KCNQ1: variants seen among roughly 807,000 people sequenced by gnomAD.
KCNQ1 encodes potassium voltage-gated channel subfamily KQT member 1.
In KCNQ1, 49 loss-of-function variants were observed where a neutral mutation model predicts 72.4. The observed-to-expected ratio is 0.68, with a 90% CI of 0.54 to 0.86. The LOEUF (loss-of-function observed/expected upper bound fraction) is 0.86. KCNQ1 is among the 40% of genes least tolerant of loss of function. KCNQ1 has a pLI of 0.00. For synonymous variants in KCNQ1, 450 were observed against 412.6 expected (o/e 1.09, Z -1.10); for missense variants, 790 against 945.1 (o/e 0.84, Z 2.15).
rs968552678 is a variant in KCNQ1, at chr11:2,482,044, G to C, written c.386+36560G>C. Among the ~76,000 whole-genome samples the C allele has an allele frequency of 6.6e-6, 1 of 152,140 alleles. No homozygotes were observed. Among genetic ancestry groups the C allele is most frequent in the African/African-American group, 2.4e-5 (1 of 41,416 alleles). On this transcript the variant is annotated intron_variant, in intron 1 of 15. Transcript: ENST00000155840. This position sits in a 1 kb window ranked among gnomAD's most constrained non-coding sequence, Gnocchi z 5.7. ...CATCGGCTGTTTGCTTTATGAATTT[G>C]TGCCTCAGTTTCTTCATCTCTGAAA...
At position 2,447,052 on chromosome 11, in the gene KCNQ1, G is replaced by A. The variant is rs997217007; in HGVS notation, c.386+1568G>A. ...AGCCAGAGGCCAAGGCAAAGTGCCC[G>A]CAGACCCCCTCAATTCTCACTTGTA... On this transcript the variant is annotated intron_variant, in intron 1 of 15. Coordinates refer to ENST00000155840, the MANE Select transcript of KCNQ1 (RefSeq NM_000218.3). The surrounding 1 kb of genome is among the most constrained non-coding windows in gnomAD (Gnocchi z 7.6). 2.0e-5 allele frequency among the ~76,000 whole-genome samples: 3 copies of A among 152,222 alleles called. No homozygotes were observed. The highest frequency in any genetic ancestry group is 1.3e-4 in the Admixed American group (2 of 15,284).
rs1157869118 is a variant in KCNQ1 at position 2,652,485 on chromosome 11, C to T, written c.1394-9476C>T. The T allele has an allele frequency of 5.0e-6, 2 of 398,506 alleles. No homozygotes were observed. Among genetic ancestry groups the T allele is most frequent in the Non-Finnish European group, 8.8e-6 (2 of 226,074 alleles). 24.7% of individuals were successfully genotyped at this position (398,506 alleles called of 1,614,324 possible). On this transcript the variant is annotated intron_variant, in intron 10 of 15. Transcript: ENST00000155840. The surrounding 1 kb of genome is among the most constrained non-coding windows in gnomAD (Gnocchi z 5.9). ...GACCTCCAGAAACTTTCCTCCCCAC[C>T]TCTCCAGAGGTTTCTGGGGAATGTC... is the stretch of plus-strand genomic sequence containing the variant.
In KCNQ1 at chr11:2,816,864, G is replaced by A. The variant is rs375758259; in HGVS notation, c.1795-30903G>A. Among the ~76,000 whole-genome samples the A allele has an allele frequency of 1.3e-5, 2 of 151,884 alleles. No homozygotes were observed. The highest frequency in any genetic ancestry group is 2.9e-5 in the Non-Finnish European group (2 of 67,954). On this transcript the variant is annotated intron_variant, in intron 15 of 15. Coordinates refer to ENST00000155840, the MANE Select transcript of KCNQ1 (RefSeq NM_000218.3). The surrounding 1 kb of genome is among the most constrained non-coding windows in gnomAD (Gnocchi z 6.8). ...ATGTCTGAGCCCTGAACAGACACAGGTGTCTGTTCAGGGCTCCTCAAATGC... is the reference window on the plus strand; with the variant it reads ...ATGTCTGAGCCCTGAACAGACACAGATGTCTGTTCAGGGCTCCTCAAATGC...
chr11:2,499,521 C>CA, intron 1 of KCNQ1, among the ~76,000 whole-genome samples: 1 of 132,600 alleles, frequency 7.5e-6, no homozygotes, highest in Non-Finnish European at 1.7e-5. Context: ...GTTGAATGGA[C>CA]CCCTGCCCCC....
chr11:2,569,393 C>A (rs2133724421), intron 2 of KCNQ1, among the ~76,000 whole-genome samples: 1 of 152,348 alleles, frequency 6.6e-6, no homozygotes, highest in Admixed American at 6.5e-5. Context: ...TAATTAATAA[C>A]ATTTGGGAGC....
chr11:2,696,598 C>T (rs2283193), intron 11 of KCNQ1: 71,515 of 398,456 alleles, frequency 0.18, 7,060 homozygotes, highest in African/African-American at 0.29. Flanking sequence ...TACTCAAGCC[C>T]TCCAACTGGA....
At chr11:2,696,043 GTAT>G (rs1850671178) in intron 11 of KCNQ1, 1 of 398,414 alleles carries the variant, frequency 2.5e-6, no homozygotes, top group Non-Finnish European at 4.4e-6. Flanking sequence ...TGTTTCCTTA[GTAT>G]TATTATGAAA....
intron 10 of KCNQ1, chr11:2,632,161 C>T (rs1031927503): frequency 1.9e-5 from 7 of 369,480 alleles, no homozygotes; most frequent in African/African-American, 2.5e-5. Flanking sequence ...CTAGCCTGGG[C>T]GACAGACCAA....
chr11:2,500,559 A>G (rs947357695), intron 1 of KCNQ1, among the ~76,000 whole-genome samples: 2 of 152,230 alleles, frequency 1.3e-5, no homozygotes, highest in Non-Finnish European at 2.9e-5. Flanking sequence ...ATTGTATTAT[A>G]AAGACACATG....
At chr11:2,697,860 G>C in intron 11 of KCNQ1, 4 of 398,602 alleles carry the variant, frequency 1.0e-5, no homozygotes, top group Non-Finnish European at 1.8e-5. Flanking sequence ...GACATGCTCT[G>C]ATTCGCAATT....
chr11:2,533,836 A>C (rs1180737736), intron 2 of KCNQ1, among the ~76,000 whole-genome samples: 1 of 152,174 alleles, frequency 6.6e-6, no homozygotes, highest in Non-Finnish European at 1.5e-5. Context: ...ACACAAAGAG[A>C]GAGGCACTCA....
In KCNQ1 at chr11:2,550,414, G is replaced by A. The variant is rs550542081; in HGVS notation, c.478-20214G>A. ...TAGGTAGAAGGTGGGAGAAGCCCACGTTCTGGGAGCGTCGCAGTGGCCCAG... is the reference window on the plus strand; with the variant it reads ...TAGGTAGAAGGTGGGAGAAGCCCACATTCTGGGAGCGTCGCAGTGGCCCAG... On this transcript the variant is annotated intron_variant, in intron 2 of 15. Transcript: ENST00000155840. The surrounding 1 kb of genome is among the most constrained non-coding windows in gnomAD (Gnocchi z 6.0). Among the ~76,000 whole-genome samples the A allele has an allele frequency of 5.3e-5, 8 of 152,298 alleles. No homozygotes were observed. Among genetic ancestry groups the A allele is most frequent in the South Asian group, 2.1e-4 (1 of 4,828 alleles).
intron 15 of KCNQ1, among the ~76,000 whole-genome samples, chr11:2,791,182 C>A (rs541109202): frequency 6.0e-4 from 92 of 152,354 alleles, no homozygotes; most frequent in Admixed American, 1.2e-3. Context: ...GATAGGACAG[C>A]AGGCGGCAGG....
rs559643550 is a variant in KCNQ1 at position 2,549,378 on chromosome 11, C to T, written c.478-21250C>T. Among the ~76,000 whole-genome samples, 6 of 152,184 alleles carry T rather than the reference C, an allele frequency of 3.9e-5. No individual in the cohort carries two copies. In the East Asian group the frequency reaches 9.7e-4, roughly 25 times the overall value. On this transcript the variant is annotated intron_variant, in intron 2 of 15. Coordinates refer to ENST00000155840, the MANE Select transcript of KCNQ1 (RefSeq NM_000218.3). The surrounding 1 kb of genome is among the most constrained non-coding windows in gnomAD (Gnocchi z 6.2). The stretch of plus-strand genomic sequence containing the variant: ...CCTCCTTGGCCGTCCTTGCCATCCT[C>T]GCCATCCTCTCTCCACACATCTGAC...
At chr11:2,774,419 C>T (rs1846655893) in intron 12 of KCNQ1, among the ~76,000 whole-genome samples, 1 of 152,198 alleles carries the variant, frequency 6.6e-6, no homozygotes, top group African/African-American at 2.4e-5. Context: ...ACACGGGCCC[C>T]ATCCCAGCCC....
At chr11:2,777,615 G>GTA (rs71302039) in intron 14 of KCNQ1, 5 of 576,944 alleles carry the variant, frequency 8.7e-6, no homozygotes, top group Non-Finnish European at 1.2e-5. Context: ...GTGTAACGGA[G>GTA]CAGCGGAATG....
chr11:2,572,636 G>A (rs1046503022), intron 5 of KCNQ1, among the ~76,000 whole-genome samples: 2 of 152,234 alleles, frequency 1.3e-5, no homozygotes, highest in African/African-American at 4.8e-5. Context: ...GCGACCCCAG[G>A]GCTGAGCCTC....
intron 2 of KCNQ1, among the ~76,000 whole-genome samples, chr11:2,532,980 A>C (rs561841631): frequency 1.3e-5 from 2 of 152,188 alleles, no homozygotes; most frequent in Non-Finnish European, 2.9e-5. Flanking sequence ...TGCTACATGC[A>C]ACTCAGGAGC....
rs753116009 is a variant in KCNQ1 at position 2,691,088 on chromosome 11, C to T, written c.1514+29007C>T. 3 of 398,528 alleles carry T rather than the reference C, an allele frequency of 7.5e-6. No individual in the cohort carries two copies. In the East Asian group the frequency reaches 1.1e-4, roughly 14 times the overall value. 24.7% of individuals were successfully genotyped at this position (398,528 alleles called of 1,614,324 possible). On this transcript the variant is annotated intron_variant, in intron 11 of 15. Coordinates refer to ENST00000155840, the MANE Select transcript of KCNQ1 (RefSeq NM_000218.3). The surrounding 1 kb of genome is among the most constrained non-coding windows in gnomAD (Gnocchi z 6.4). ...GAGGCACCTTTGTTCTAGATGCCTG[C>T]AGATTCCTGACAACAGTAGGGGTGG... is the stretch of plus-strand genomic sequence containing the variant.
Sources: gnomAD v4.1 joint callset for allele counts (sites outside exome capture counted in the v4.1 genomes callset) on GRCh38, gnomAD v4.1.1 for gene constraint, Gnocchi (gnomAD v3.1) non-coding constraint, MANE v1.5 for transcripts, NCBI Gene and HGNC (gene_info 2026-07-23, HGNC 2026-07-21) for gene names.